CACNA1D: variants seen among roughly 807,000 people sequenced by gnomAD.
The protein encoded by CACNA1D is voltage-dependent L-type calcium channel subunit alpha-1D.
A neutral mutation model predicts 257.1 loss-of-function variants in CACNA1D; 55 were observed. The ratio of observed to expected loss-of-function variants is 0.21; its 90% confidence interval spans 0.17 to 0.27. CACNA1D has a LOEUF of 0.27. CACNA1D is among the 10% of genes least tolerant of loss of function. The probability of loss-of-function intolerance (pLI) is 1.00; values close to 1 mark genes in which losing one functional copy is unlikely to be tolerated. For synonymous variants in CACNA1D, 980 were observed against 1,014.9 expected (o/e 0.97, Z 0.65); for missense variants, 1,876 against 2,784.0 (o/e 0.67, Z 7.34).
chr3:53,692,178 A>G (rs2094535109), intron 8 of CACNA1D, among the ~76,000 whole-genome samples: 1 of 151,764 alleles, frequency 6.6e-6, no homozygotes, highest in Admixed American at 6.6e-5. Context: ...ACCAGTATAC[A>G]AAGATAAGAC....
At chr3:53,629,194 A>G (rs1353606937) in intron 3 of CACNA1D, among the ~76,000 whole-genome samples, 1 of 152,204 alleles carries the variant, frequency 6.6e-6, no homozygotes, top group Non-Finnish European at 1.5e-5. Context: ...AGAGGCCATA[A>G]TTTGCCAACC....
chr3:53,563,265 C>G (rs898845995), intron 3 of CACNA1D, among the ~76,000 whole-genome samples: 1 of 151,920 alleles, frequency 6.6e-6, no homozygotes, highest in Non-Finnish European at 1.5e-5. Flanking sequence ...GGCTCACACC[C>G]GTAATGCCAG....
At chr3:53,521,878 A>C (rs1342858947) in intron 3 of CACNA1D, among the ~76,000 whole-genome samples, 1 of 151,760 alleles carries the variant, frequency 6.6e-6, no homozygotes, top group Non-Finnish European at 1.5e-5. Flanking sequence ...CCATAATCCC[A>C]GTATTTTGAG....
At chr3:53,710,275 G>C in intron 9 of CACNA1D, 1 of 413,338 alleles carries the variant, frequency 2.4e-6, no homozygotes, top group Admixed American at 2.6e-5. Flanking sequence ...GTCTGGGGCA[G>C]GCGGGCGTCC....
In CACNA1D at chr3:53,494,723, G is replaced by A. The variant is rs1322061631; in HGVS notation, c.-444G>A. On this transcript the variant is annotated 5_prime_UTR_variant, in exon 1 of 48. Coordinates refer to ENST00000350061, the MANE Select transcript of CACNA1D (RefSeq NM_001128840.3). ...CGGTCCCGAGCCAGCGGCGGCGCGG[G>A]CGGCGGCGGCGGGCACCGGGCACCG... 1 of 146,284 alleles carries A rather than the reference G, an allele frequency of 6.8e-6. No homozygotes were observed. The highest frequency in any genetic ancestry group is 1.5e-5 in the Non-Finnish European group (1 of 65,572). 9.1% of individuals were successfully genotyped at this position (146,284 alleles called of 1,614,324 possible).
At chr3:53,764,508 C>T (rs1013415251) in intron 30 of CACNA1D, among the ~76,000 whole-genome samples, 1 of 152,184 alleles carries the variant, frequency 6.6e-6, no homozygotes, top group East Asian at 1.9e-4. Context: ...ACTTAGCTTC[C>T]GGGCACCAGG....
At chr3:53,587,313 G>A (rs1291733857) in intron 3 of CACNA1D, among the ~76,000 whole-genome samples, 1 of 152,144 alleles carries the variant, frequency 6.6e-6, no homozygotes, top group Non-Finnish European at 1.5e-5. Flanking sequence ...AGAAGGGACA[G>A]CAGCTAGGGA....
At chr3:53,531,204 CCTAA>C (rs1489576000) in intron 3 of CACNA1D, among the ~76,000 whole-genome samples, 1 of 152,054 alleles carries the variant, frequency 6.6e-6, no homozygotes, top group Admixed American at 6.5e-5. Flanking sequence ...GGAAGCCTTC[CCTAA>C]CTAACTAATC....
At chr3:53,734,520 A>G (rs72977420) in intron 19 of CACNA1D, among the ~76,000 whole-genome samples, 19 of 152,124 alleles carry the variant, frequency 1.2e-4, no homozygotes, top group Non-Finnish European at 8.8e-5. Flanking sequence ...GTATATGTTT[A>G]AATTCTAAAG....
chr3:53,500,115 G>A (rs2090529309), intron 2 of CACNA1D, among the ~76,000 whole-genome samples: 1 of 151,858 alleles, frequency 6.6e-6, no homozygotes, highest in African/African-American at 2.4e-5. Flanking sequence ...CCAGAGGCCG[G>A]GCACAGTGGC....
chr3:53,717,746 A>G (rs948260245), intron 9 of CACNA1D, among the ~76,000 whole-genome samples: 6 of 152,214 alleles, frequency 3.9e-5, no homozygotes, highest in Non-Finnish European at 7.3e-5. Context: ...GCAGAACTTC[A>G]GCATCAGGTA....
chr3:53,554,599 A>G (rs2092604133), intron 3 of CACNA1D, among the ~76,000 whole-genome samples: 1 of 152,058 alleles, frequency 6.6e-6, no homozygotes, highest in Admixed American at 6.6e-5. Context: ...TTTCAAATAC[A>G]TTCCGCTTCT....
chr3:53,711,927 A>G (rs1252523753), intron 9 of CACNA1D, among the ~76,000 whole-genome samples: 2 of 152,218 alleles, frequency 1.3e-5, no homozygotes, highest in African/African-American at 2.4e-5. Flanking sequence ...TATCTGTAGC[A>G]TTCACGGAAG....
At chr3:53,696,619 T>TA (rs1422475129) in intron 8 of CACNA1D, among the ~76,000 whole-genome samples, 2 of 152,142 alleles carry the variant, frequency 1.3e-5, no homozygotes, top group African/African-American at 4.8e-5. Context: ...TTGGATGGGG[T>TA]AAGCCAGAGA....
At chr3:53,678,995 C>T (rs1032138561) in intron 8 of CACNA1D, 2 of 151,952 alleles carry the variant, frequency 1.3e-5, no homozygotes, top group Non-Finnish European at 2.9e-5. Context: ...TTTGGCCAGG[C>T]ACAGTGGCTC....
chr3:53,734,030 A>ACG (rs2095031911), intron 19 of CACNA1D, among the ~76,000 whole-genome samples: 1 of 142,510 alleles, frequency 7.0e-6, no homozygotes, highest in African/African-American at 2.6e-5. Flanking sequence ...ATATATATAT[A>ACG]TATATATATA....
rs913994100 is a variant in CACNA1D at position 53,601,292 on chromosome 3, T to C, written c.484-49487T>C. 2.6e-5 allele frequency among the ~76,000 whole-genome samples: 4 copies of C among 152,202 alleles called. No individual in the cohort carries two copies. The East Asian group carries it at 5.8e-4, about 22-fold the overall frequency. ...CTGTCATATGTACTAAGGTTTTCAA[T>C]GTGAAAATATGAAATTACATTCTCA... On this transcript the variant is annotated intron_variant, in intron 3 of 47. Coordinates refer to ENST00000350061, the MANE Select transcript of CACNA1D (RefSeq NM_001128840.3).
intron 4 of CACNA1D, among the ~76,000 whole-genome samples, chr3:53,657,660 G>A (rs1444650965): frequency 6.6e-6 from 1 of 152,124 alleles, no homozygotes; most frequent in Non-Finnish European, 1.5e-5. Context: ...TATGAAATTG[G>A]AGTCAAAGAA....
chr3:53,582,574 C>G (rs807192), intron 3 of CACNA1D, among the ~76,000 whole-genome samples: 143,712 of 152,124 alleles, frequency 0.94, 67,957 homozygotes, highest in East Asian at 0.97. Flanking sequence ...CCTGGCAGAG[C>G]AACAAGTAGT....
Sources: gnomAD v4.1 joint callset for allele counts (sites outside exome capture counted in the v4.1 genomes callset) on GRCh38, gnomAD v4.1.1 for gene constraint, MANE v1.5 for transcripts, NCBI Gene and HGNC (gene_info 2026-07-23, HGNC 2026-07-21) for gene names.